Variants in CAMK1D observed in about 807,000 individuals in gnomAD.
CAMK1D encodes calcium/calmodulin dependent protein kinase ID, also known as calcium/calmodulin-dependent protein kinase type 1D.
Under a neutral mutation model 47.7 loss-of-function variants are expected in CAMK1D, and 9 were observed. The observed-to-expected ratio is 0.19, with a 90% CI of 0.11 to 0.33. CAMK1D has a LOEUF of 0.33. CAMK1D is among the 10% of genes least tolerant of loss of function. CAMK1D has a pLI of 1.00. For missense variants in CAMK1D, 291 were observed against 488.7 expected, an observed-to-expected ratio of 0.60 and a Z score of 3.81; for synonymous variants, 184 against 184.9, an observed-to-expected ratio of 0.99 and a Z score of 0.04.
chr10:12,370,694 G>A (rs900572458), intron 1 of CAMK1D, among the ~76,000 whole-genome samples: 2 of 152,062 alleles, frequency 1.3e-5, no homozygotes, highest in African/African-American at 4.8e-5. Context: ...TGCAACCTTC[G>A]CCTCCCCAGG....
chr10:12,802,513 C>A (rs1838527076), intron 6 of CAMK1D, among the ~76,000 whole-genome samples: 1 of 152,096 alleles, frequency 6.6e-6, no homozygotes, highest in Non-Finnish European at 1.5e-5. Flanking sequence ...GACTTCTGGG[C>A]TGTTCTTCAT....
At chr10:12,753,090 A>G (rs1434928486) in intron 3 of CAMK1D, among the ~76,000 whole-genome samples, 2 of 152,172 alleles carry the variant, frequency 1.3e-5, no homozygotes, top group Non-Finnish European at 1.5e-5. Context: ...CATCTCTACT[A>G]AAAATACAAA....
chr10:12,794,926 C>T (rs1346187368), intron 6 of CAMK1D, among the ~76,000 whole-genome samples: 1 of 152,154 alleles, frequency 6.6e-6, no homozygotes, highest in Non-Finnish European at 1.5e-5. Flanking sequence ...CTTTTCTCAC[C>T]ATACAGATGG....
At chr10:12,517,031 A>G (rs113363745) in intron 1 of CAMK1D, among the ~76,000 whole-genome samples, 191 of 152,214 alleles carry the variant, frequency 1.3e-3, no homozygotes, top group African/African-American at 4.5e-3. Context: ...CTGTCCATTT[A>G]TTTTGGTTTT....
At chr10:12,502,424 C>G (rs1165997163) in intron 1 of CAMK1D, among the ~76,000 whole-genome samples, 1 of 152,088 alleles carries the variant, frequency 6.6e-6, no homozygotes, top group African/African-American at 2.4e-5. Flanking sequence ...GGCGTCTTGG[C>G]TTGTGGGCAG....
chr10:12,596,639 G>T (rs1292717338), intron 2 of CAMK1D, among the ~76,000 whole-genome samples: 1 of 152,052 alleles, frequency 6.6e-6, no homozygotes, highest in Non-Finnish European at 1.5e-5. Flanking sequence ...TGAAACTTAG[G>T]GAGCAGTAGA....
chr10:12,796,366 T>C (rs998563859), intron 6 of CAMK1D, among the ~76,000 whole-genome samples: 1 of 152,230 alleles, frequency 6.6e-6, no homozygotes, highest in African/African-American at 2.4e-5. Context: ...AGTGAGCCTC[T>C]ACATTGCTCA....
At chr10:12,606,033 C>T (rs1016454936) in intron 2 of CAMK1D, among the ~76,000 whole-genome samples, 8 of 152,226 alleles carry the variant, frequency 5.3e-5, no homozygotes, top group Middle Eastern at 6.3e-3. Flanking sequence ...TAGGGCACAT[C>T]GTCAGATCGA....
In CAMK1D at chr10:12,690,239, A is replaced by G. The variant is rs183880966; in HGVS notation, c.299+23429A>G. On this transcript the variant is annotated intron_variant, in intron 3 of 10. Transcript: ENST00000619168. ...TTATGGAGTACTTCCTGTGCCAGCC[A>G]TTGTTCCATATACTGTGTCTTGACT... 2.1e-3 allele frequency among the ~76,000 whole-genome samples: 316 copies of G among 152,322 alleles called. 1 individual carries two copies. Among genetic ancestry groups the G allele is most frequent in the Non-Finnish European group, 1.4e-3 (95 of 68,028 alleles).
intron 1 of CAMK1D, among the ~76,000 whole-genome samples, chr10:12,533,216 A>G (rs1835865232): frequency 6.6e-6 from 1 of 152,194 alleles, no homozygotes; most frequent in Non-Finnish European, 1.5e-5. Flanking sequence ...CTGTGTACCC[A>G]CAAAAATTAA....
chr10:12,546,095 G>A (rs1006649574), intron 1 of CAMK1D, among the ~76,000 whole-genome samples: 7 of 152,310 alleles, frequency 4.6e-5, no homozygotes, highest in African/African-American at 1.7e-4. Flanking sequence ...ATTTGAACTC[G>A]ATCCCATAGA....
chr10:12,714,268 C>T (rs1228852157), intron 3 of CAMK1D, among the ~76,000 whole-genome samples: 2 of 152,146 alleles, frequency 1.3e-5, no homozygotes, highest in East Asian at 1.9e-4. Flanking sequence ...TGAATCCAGA[C>T]AACCGTCTAC....
At chr10:12,547,649 C>A (rs568669935) in intron 1 of CAMK1D, among the ~76,000 whole-genome samples, 2 of 105,022 alleles carry the variant, frequency 1.9e-5, no homozygotes, top group African/African-American at 7.8e-5. Flanking sequence ...ACCCCCCCCC[C>A]AACCCTGCAC....
At chr10:12,415,336 T>A in intron 1 of CAMK1D, among the ~76,000 whole-genome samples, 1 of 151,946 alleles carries the variant, frequency 6.6e-6, no homozygotes, top group Non-Finnish European at 1.5e-5. Context: ...TTGCCCAGGC[T>A]GGAGTGCAGT....
chr10:12,744,350 A>C lies in CAMK1D; in HGVS notation c.300-16598A>C, dbSNP rs78962463. 3.7e-3 allele frequency among the ~76,000 whole-genome samples: 564 copies of C among 152,284 alleles called. 3 individuals carry two copies. Among genetic ancestry groups the C allele is most frequent in the African/African-American group, 0.012 (508 of 41,558 alleles). Reference sequence around the variant, plus strand: ...TCACAGGTATATACCTAAGGAATGAAATTGCTAGGTCATCCCATAATGCTA... The same window carrying C: ...TCACAGGTATATACCTAAGGAATGACATTGCTAGGTCATCCCATAATGCTA... On this transcript the variant is annotated intron_variant, in intron 3 of 10. Transcript: ENST00000619168.
chr10:12,789,332 T>C lies in CAMK1D; in HGVS notation c.566-1826T>C, dbSNP rs116038617. ...GGGAAACCAAAAGATTGGACACCCA[T>C]GTAAACCTAGACTGAAGACGCTCTC... On this transcript the variant is annotated intron_variant, in intron 5 of 10. Coordinates refer to ENST00000619168, the MANE Select transcript of CAMK1D (RefSeq NM_153498.4). Among the ~76,000 whole-genome samples, 1,404 of 152,314 alleles carry C rather than the reference T, an allele frequency of 9.2e-3. 15 individuals are homozygous for C. The highest frequency in any genetic ancestry group is 0.032 in the African/African-American group (1,332 of 41,560).
intron 6 of CAMK1D, among the ~76,000 whole-genome samples, chr10:12,805,375 T>C (rs1588950007): frequency 7.2e-6 from 1 of 139,296 alleles, no homozygotes; most frequent in Non-Finnish European, 1.7e-5. Flanking sequence ...TTCTTTTTTT[T>C]TTTTTTTTTT....
chr10:12,675,765 A>G (rs1840785920), intron 3 of CAMK1D, among the ~76,000 whole-genome samples: 1 of 152,122 alleles, frequency 6.6e-6, no homozygotes, highest in East Asian at 1.9e-4. Context: ...GGTGGCCTCC[A>G]GGGACCTATG....
intron 3 of CAMK1D, among the ~76,000 whole-genome samples, chr10:12,698,106 G>C (rs1023451295): frequency 6.6e-6 from 1 of 152,160 alleles, no homozygotes; most frequent in East Asian, 1.9e-4. Flanking sequence ...ATACTACTCC[G>C]TTGTCAGGCG....
Sources: gnomAD v4.1 joint callset for allele counts (sites outside exome capture counted in the v4.1 genomes callset) on GRCh38, gnomAD v4.1.1 for gene constraint, MANE v1.5 for transcripts, NCBI Gene and HGNC (gene_info 2026-07-23, HGNC 2026-07-21) for gene names.